Variants in VGLL4 observed in about 807,000 individuals in gnomAD.
VGLL4 encodes vestigial like family member 4.
A neutral mutation model predicts 21.0 loss-of-function variants in VGLL4; 7 were observed. That is an observed-to-expected ratio of 0.33 (90% CI 0.19 to 0.63). The LOEUF (loss-of-function observed/expected upper bound fraction) is 0.63. Among genes scored for constraint, VGLL4 ranks in the 20% least tolerant of loss-of-function variants. The pLI is 0.78. For synonymous variants in VGLL4, 222 were observed against 173.2 expected (o/e 1.28, Z -2.21); for missense variants, 394 against 425.7 (o/e 0.93, Z 0.66).
At chr3:11,707,576 G>A (rs2076780470) in intron 1 of VGLL4, among the ~76,000 whole-genome samples, 2 of 152,020 alleles carry the variant, frequency 1.3e-5, no homozygotes, top group African/African-American at 4.8e-5. Flanking sequence ...CCAGGTGGGT[G>A]TGGTGGCTCA....
At chr3:11,583,743 C>T (rs957491567) in intron 2 of VGLL4, among the ~76,000 whole-genome samples, 62 of 152,182 alleles carry the variant, frequency 4.1e-4, no homozygotes, top group Admixed American at 1.3e-3. Context: ...CCCTCAGCTC[C>T]GCCAAGGATG....
chr3:11,692,441 T>G (rs770265014), intron 2 of VGLL4, among the ~76,000 whole-genome samples: 1 of 152,198 alleles, frequency 6.6e-6, no homozygotes, highest in Non-Finnish European at 1.5e-5. Flanking sequence ...TGAATTAGAA[T>G]AGACTACTGG....
chr3:11,570,524 C>T (rs992558835), intron 2 of VGLL4, among the ~76,000 whole-genome samples: 1 of 152,180 alleles, frequency 6.6e-6, no homozygotes, highest in Non-Finnish European at 1.5e-5. Context: ...ATCTCCTTGG[C>T]TCCGCACGGG....
intron 2 of VGLL4, among the ~76,000 whole-genome samples, chr3:11,675,813 A>G (rs1002398919): frequency 1.3e-5 from 2 of 152,246 alleles, no homozygotes; most frequent in East Asian, 3.8e-4. Flanking sequence ...GAAATATCCA[A>G]TTCAGTAAAA....
chr3:11,702,762 C>G (rs902236525), intron 2 of VGLL4: 2 of 317,428 alleles, frequency 6.3e-6, no homozygotes, highest in African/African-American at 2.2e-5. Flanking sequence ...AAAAACAAAC[C>G]AGTATCCATA....
intron 2 of VGLL4, among the ~76,000 whole-genome samples, chr3:11,588,606 CAG>C (rs537789250): frequency 5.1e-4 from 78 of 152,356 alleles, no homozygotes; most frequent in South Asian, 1.7e-3. Flanking sequence ...GCCGTGCAAA[CAG>C]GGGGCTAAAC....
At chr3:11,642,657 T>G (rs1275035053) in intron 1 of VGLL4, among the ~76,000 whole-genome samples, 2 of 152,104 alleles carry the variant, frequency 1.3e-5, no homozygotes, top group Admixed American at 1.3e-4. Flanking sequence ...GCTTAAGAAA[T>G]AGATTTTTCT....
chr3:11,629,746 CAAAAAAAAAAA>C (rs10609918), intron 1 of VGLL4, among the ~76,000 whole-genome samples: 2 of 85,362 alleles, frequency 2.3e-5, no homozygotes, highest in Non-Finnish European at 4.6e-5. Context: ...AGACGGGTCT[CAAAAAAAAAAA>C]AAAAAAAAAA....
intron 2 of VGLL4, among the ~76,000 whole-genome samples, chr3:11,658,172 C>T (rs960215437): frequency 6.6e-6 from 1 of 152,102 alleles, no homozygotes; most frequent in African/African-American, 2.4e-5. Flanking sequence ...TGGGCTCAAG[C>T]GACCCACCTG....
upstream of VGLL4, among the ~76,000 whole-genome samples, chr3:11,645,603 C>CA (rs34230304): frequency 0.033 from 2,545 of 77,302 alleles, 228 homozygotes; most frequent in African/African-American, 0.11. Flanking sequence ...GACTCCGTCT[C>CA]AAAAAAAAAA....
chr3:11,655,212 C>A (rs1192310963), intron 2 of VGLL4, among the ~76,000 whole-genome samples: 2 of 152,230 alleles, frequency 1.3e-5, no homozygotes, highest in African/African-American at 4.8e-5. Flanking sequence ...GAAATAACTA[C>A]ACTTAGCAGT....
At chr3:11,566,882 T>A (rs1310185519) in intron 2 of VGLL4, among the ~76,000 whole-genome samples, 1 of 152,126 alleles carries the variant, frequency 6.6e-6, no homozygotes, top group East Asian at 1.9e-4. Flanking sequence ...GCACAGAGAC[T>A]TAACGGGTGA....
intron 1 of VGLL4, among the ~76,000 whole-genome samples, chr3:11,605,939 A>G (rs1260162369): frequency 1.3e-5 from 2 of 152,254 alleles, no homozygotes; most frequent in African/African-American, 4.8e-5. Flanking sequence ...CGAAGAGAAG[A>G]TATGAAAATA....
intron 2 of VGLL4, among the ~76,000 whole-genome samples, chr3:11,584,108 A>G (rs990114728): frequency 8.5e-5 from 13 of 152,262 alleles, no homozygotes; most frequent in Non-Finnish European, 1.5e-4. Context: ...AAAAATCTAT[A>G]TTTCAAAAAT....
chr3:11,601,611 A>G (rs1363087279), intron 2 of VGLL4, among the ~76,000 whole-genome samples: 1 of 152,230 alleles, frequency 6.6e-6, no homozygotes, highest in Non-Finnish European at 1.5e-5. Flanking sequence ...GGAAGGTCCT[A>G]CAAGTAGGCT....
At chr3:11,721,236 C>T (rs908648556), upstream of VGLL4, 3 of 152,178 alleles carry the variant, frequency 2.0e-5, no homozygotes, top group African/African-American at 4.8e-5. Context: ...AAACTGTTTT[C>T]CCATCTGTTG....
At chr3:11,570,065 C>A (rs1465238317) in intron 2 of VGLL4, among the ~76,000 whole-genome samples, 1 of 152,132 alleles carries the variant, frequency 6.6e-6, no homozygotes, top group Non-Finnish European at 1.5e-5. Flanking sequence ...TCCTCCCAAC[C>A]TTTACCTGCT....
At position 11,557,138 on chromosome 3, in the gene VGLL4, T is replaced by C. The variant is rs541506267; in HGVS notation, c.*1418A>G. ...CACAGCACACCCCAGGGGGAGGGGA[T>C]AGAAACGCTCATTGACCAAAAAGGA... On this transcript the variant is annotated 3_prime_UTR_variant, in exon 5 of 5. Coordinates refer to ENST00000430365, the MANE Select transcript of VGLL4 (RefSeq NM_001128219.3). The C allele has an allele frequency of 1.3e-5, 2 of 152,720 alleles. No individual in the cohort carries two copies. The highest frequency in any genetic ancestry group is 2.4e-5 in the African/African-American group (1 of 41,562). 9.5% of individuals were successfully genotyped at this position (152,720 alleles called of 1,614,324 possible). A position where few individuals can be genotyped will look rare whatever the true frequency, so the allele number is the denominator to read the frequency against.
chr3:11,669,251 T>A, intron 2 of VGLL4, among the ~76,000 whole-genome samples: 1 of 152,118 alleles, frequency 6.6e-6, no homozygotes, highest in Non-Finnish European at 1.5e-5. Flanking sequence ...CTAAAGCCGG[T>A]GTGGTGGTGA....
Sources: gnomAD v4.1 joint callset for allele counts (sites outside exome capture counted in the v4.1 genomes callset) on GRCh38, gnomAD v4.1.1 for gene constraint, MANE v1.5 for transcripts, NCBI Gene and HGNC (gene_info 2026-07-23, HGNC 2026-07-21) for gene names.